ADAMTS20: variants seen among roughly 807,000 people sequenced by gnomAD.
ADAMTS20 encodes the protein ADAM metallopeptidase with thrombospondin type 1 motif 20.
Under a neutral mutation model 260.1 loss-of-function variants are expected in ADAMTS20, and 225 were observed. The ratio of observed to expected loss-of-function variants is 0.87; its 90% CI spans 0.78 to 0.97. The LOEUF (loss-of-function observed/expected upper bound fraction) is 0.97. ADAMTS20 is among the 50% of genes least tolerant of loss of function. The pLI, the probability that ADAMTS20 is intolerant of heterozygous loss-of-function variation, is 0.00. For missense variants in ADAMTS20, 2,400 were observed against 2,337.7 expected (o/e 1.03, Z -0.55); for synonymous variants, 802 against 769.5 (o/e 1.04, Z -0.70).
intron 4 of ADAMTS20, among the ~76,000 whole-genome samples, chr12:43,496,628 A>AT (rs1055064265): frequency 9.9e-5 from 15 of 151,790 alleles, no homozygotes; most frequent in African/African-American, 3.4e-4. Flanking sequence ...AAATGAGTTG[A>AT]TTTTTTTTGT....
chr12:43,466,104 T>G (rs1305956329), intron 9 of ADAMTS20, among the ~76,000 whole-genome samples: 2 of 151,856 alleles, frequency 1.3e-5, no homozygotes, highest in Non-Finnish European at 2.9e-5. Flanking sequence ...GGTGGAGAAA[T>G]GAGGCAAGAA....
chr12:43,539,898 T>C (rs1216499511), intron 2 of ADAMTS20, among the ~76,000 whole-genome samples: 1 of 151,948 alleles, frequency 6.6e-6, no homozygotes. Flanking sequence ...TTTTTTTTTT[T>C]TTTGAGACAG....
At chr12:43,452,156 T>C (rs554160219) in intron 14 of ADAMTS20, 118 bp downstream of exon 14, 1 of 1,091,890 alleles carries the variant, frequency 9.2e-7, no homozygotes, top group Non-Finnish European at 1.3e-6. Flanking sequence ...GGTTGCTTTG[T>C]TGGAATGCAT....
intron 2 of ADAMTS20, 101 bp downstream of exon 2, chr12:43,550,808 C>T (rs1943500940): frequency 1.4e-6 from 2 of 1,427,468 alleles, no homozygotes; most frequent in Non-Finnish European, 1.8e-6. Flanking sequence ...ACCTGAACTC[C>T]AGGGTCATCA....
In ADAMTS20 at chr12:43,377,540, C is replaced by T; in HGVS notation, c.4820G>A (p.Ser1607Asn). Residue 1607 changes from serine to asparagine, a missense_variant, in exon 32 of 39, where the codon AGT becomes AAT. Physicochemically the swap from Ser to Asn is conservative, Grantham distance 46. Coordinates refer to ENST00000389420, the MANE Select transcript of ADAMTS20 (RefSeq NM_025003.5). Reference protein sequence around the residue: ...SSQCANNCGFSYRQRITYCTE... With the variant: ...SSQCANNCGFNYRQRITYCTE... Reference sequence around the variant, plus strand: ...GCAATATGTAATCCTTTGTCTGTAACTAAATCCACAGTTGTTTGCACACTG... The same window carrying T: ...GCAATATGTAATCCTTTGTCTGTAATTAAATCCACAGTTGTTTGCACACTG... 1 of 1,612,228 alleles carries T rather than the reference C, an allele frequency of 6.2e-7. No individual in the cohort carries two copies. The highest frequency in any genetic ancestry group is 1.1e-5 in the South Asian group (1 of 90,800).
intron 3 of ADAMTS20, among the ~76,000 whole-genome samples, chr12:43,520,399 T>C (rs1468295178): frequency 6.6e-6 from 1 of 152,038 alleles, no homozygotes; most frequent in Non-Finnish European, 1.5e-5. Context: ...CTTTAAAAAA[T>C]GCTTAACTTA....
At position 43,551,838 on chromosome 12, in the gene ADAMTS20, G is replaced by T; in HGVS notation, c.84C>A (p.Pro28=). ...GTCTCGCGGTGACTTTACCTTGCCT[G>T]GGGTGGAAGTCAACTTCCCAAGACC... ...ITRSWEVDFH[P]RQEALVRTLT... is the part of the protein sequence containing the mutation. The change falls in exon 1 of 39, where the codon CCC becomes CCA. Residue 28 remains proline, a synonymous_variant. Transcript: ENST00000389420. This position sits in a 1 kb window ranked among gnomAD's most constrained non-coding sequence, Gnocchi z 4.6. 1.2e-6 allele frequency: 2 copies of T among 1,613,572 alleles called. No homozygotes were observed. Among genetic ancestry groups the T allele is most frequent in the Non-Finnish European group, 1.7e-6 (2 of 1,179,694 alleles).
intron 15 of ADAMTS20, among the ~76,000 whole-genome samples, 157 bp from the exon 16 acceptor site, chr12:43,444,040 C>G (rs1403352408): frequency 6.6e-6 from 1 of 152,058 alleles, no homozygotes; most frequent in South Asian, 2.1e-4. Flanking sequence ...GAGTCAGTAC[C>G]TTACACAAAT....
intron 3 of ADAMTS20, among the ~76,000 whole-genome samples, chr12:43,519,614 A>C (rs75272356): frequency 0.01 from 1,581 of 152,190 alleles, 34 homozygotes; most frequent in African/African-American, 0.035. Flanking sequence ...GGAGCATGAA[A>C]AACTTGTATG....
At chr12:43,470,044 A>G (rs1020389281) in intron 7 of ADAMTS20, among the ~76,000 whole-genome samples, 5 of 152,218 alleles carry the variant, frequency 3.3e-5, no homozygotes, top group Non-Finnish European at 7.3e-5. Flanking sequence ...AAAATTAAAA[A>G]GAACAAAAAA....
At chr12:43,419,592 G>A (rs1443531584) in intron 28 of ADAMTS20, among the ~76,000 whole-genome samples, 2 of 152,004 alleles carry the variant, frequency 1.3e-5, no homozygotes, top group Non-Finnish European at 2.9e-5. Flanking sequence ...TAGGAGAACT[G>A]CCATGGAAAC....
Position 43,468,627 on chromosome 12 carries a change from A to G in ADAMTS20, c.1196T>C (p.Phe399Ser). 1.2e-6 allele frequency: 2 copies of G among 1,610,576 alleles called. No homozygotes were observed. Among genetic ancestry groups the G allele is most frequent in the Non-Finnish European group, 1.7e-6 (2 of 1,178,022 alleles). The change falls in exon 8 of 39, where the codon TTT (phenylalanine) becomes TCT (serine). Residue 399 changes from phenylalanine to serine, a missense_variant. By Grantham distance (155) the Phe-to-Ser change is radical. Transcript: ENST00000389420. ...INEEKGLISA[F>S]TIAHELGHTL... ...GTGCCCAAGCTCATGGGCTATAGTA[A>G]AAGCAGAAATGAGTCCTTTTTCTTC...
At chr12:43,387,706 G>T (rs986149193) in intron 29 of ADAMTS20, among the ~76,000 whole-genome samples, 18 of 152,230 alleles carry the variant, frequency 1.2e-4, no homozygotes, top group African/African-American at 4.1e-4. Flanking sequence ...GGAATCTAGA[G>T]AGGCAGCTTG....
chr12:43,504,310 T>C (rs752569137), intron 3 of ADAMTS20, among the ~76,000 whole-genome samples: 136 of 152,330 alleles, frequency 8.9e-4, no homozygotes, highest in Non-Finnish European at 1.6e-3. Flanking sequence ...CTCTAACGAT[T>C]AGTGATGTTG....
chr12:43,466,026 G>A (rs1942146482), intron 9 of ADAMTS20, among the ~76,000 whole-genome samples: 1 of 151,982 alleles, frequency 6.6e-6, no homozygotes, highest in Non-Finnish European at 1.5e-5. Context: ...TTTTGGAAAA[G>A]TTTCAGTGAC....
intron 6 of ADAMTS20, among the ~76,000 whole-genome samples, 152 bp from the exon 7 acceptor site, chr12:43,490,587 C>G (rs74761154): frequency 6.6e-6 from 1 of 152,048 alleles, no homozygotes; most frequent in South Asian, 2.1e-4. Context: ...AAGTCTAAAC[C>G]TAGAGTAATG....
At chr12:43,540,541 A>C (rs927508739) in intron 2 of ADAMTS20, among the ~76,000 whole-genome samples, 1 of 152,228 alleles carries the variant, frequency 6.6e-6, no homozygotes, top group African/African-American at 2.4e-5. Context: ...CTTTTTGTTC[A>C]AATAATTAAA....
chr12:43,444,557 G>T (rs937597699), intron 15 of ADAMTS20, among the ~76,000 whole-genome samples: 1 of 152,018 alleles, frequency 6.6e-6, no homozygotes, highest in Non-Finnish European at 1.5e-5. Context: ...CAAATTCAGC[G>T]ACATTGGCAC....
chr12:43,433,902 G>A (rs962175682), intron 19 of ADAMTS20: 10 of 362,780 alleles, frequency 2.8e-5, no homozygotes, highest in East Asian at 8.2e-5. Flanking sequence ...CATTAATTCC[G>A]TGGAAAGTAA....
Sources: gnomAD v4.1 joint callset for allele counts (sites outside exome capture counted in the v4.1 genomes callset) on GRCh38, gnomAD v4.1.1 for gene constraint, Gnocchi (gnomAD v3.1) non-coding constraint, MANE v1.5 for transcripts, NCBI Gene and HGNC (gene_info 2026-07-23, HGNC 2026-07-21) for gene names.